The following ZNF821 variants were observed in gnomAD, a reference collection of about 807,000 sequenced individuals.
The protein encoded by ZNF821 is zinc finger protein 821.
Under a neutral mutation model 44.3 loss-of-function variants are expected in ZNF821, and 16 were observed. The observed-to-expected ratio is 0.36, with a 90% confidence interval of 0.24 to 0.55. ZNF821 has a LOEUF of 0.55. Ranked by LOEUF, ZNF821 falls within the 20% of genes least tolerant of loss-of-function variation. The probability of loss-of-function intolerance (pLI) is 0.86; values close to 1 mark genes in which losing one functional copy is unlikely to be tolerated. For missense variants in ZNF821, 436 were observed against 547.6 expected (o/e 0.80, Z 2.03); for synonymous variants, 204 against 197.6 (o/e 1.03, Z -0.27).
At chr16:71,882,355 ATACTC>A (rs1217118890) in intron 2 of ZNF821, 2 of 149,336 alleles carry the variant, frequency 1.3e-5, no homozygotes, top group Admixed American at 6.6e-5. Flanking sequence ...AAATATATAT[ATACTC>A]TATTATAGAA....
intron 4 of ZNF821, among the ~76,000 whole-genome samples, chr16:71,867,023 C>G (rs960476785): frequency 6.6e-6 from 1 of 152,218 alleles, no homozygotes; most frequent in Admixed American, 6.5e-5. Flanking sequence ...TCAGACAGGT[C>G]ACAGGACAGA....
At chr16:71,879,440 G>A (rs1279451068) in intron 3 of ZNF821, among the ~76,000 whole-genome samples, 1 of 151,962 alleles carries the variant, frequency 6.6e-6, no homozygotes, top group Non-Finnish European at 1.5e-5. Flanking sequence ...AGTCCACTGA[G>A]CTCTTTTAAC....
chr16:71,887,321 G>A (rs534109596), upstream of ZNF821, among the ~76,000 whole-genome samples: 1 of 147,076 alleles, frequency 6.8e-6, no homozygotes, highest in South Asian at 2.1e-4. Flanking sequence ...GTGCAGTGGC[G>A]CGATCTCGGC....
At chr16:71,885,003 G>A (rs1254980032), upstream of ZNF821, among the ~76,000 whole-genome samples, 8 of 151,992 alleles carry the variant, frequency 5.3e-5, no homozygotes, top group African/African-American at 1.9e-4. Flanking sequence ...GACTACAGGC[G>A]TGCACCACCA....
At chr16:71,894,952 C>G (rs1275848232) in exon 1 of ZNF821, 1 of 887,486 alleles carries the variant, frequency 1.1e-6, no homozygotes, top group Non-Finnish European at 1.8e-6. Flanking sequence ...AATTATACCA[C>G]ACAGACCGGA....
At position 71,862,024 on chromosome 16, in the gene ZNF821, T is replaced by C. The variant is rs1056007965; in HGVS notation, c.418-82A>G. The C allele has an allele frequency of 2.0e-6, 3 of 1,509,180 alleles. No homozygotes were observed. In the East Asian group the frequency reaches 6.8e-5, roughly 34 times the overall value. The allele number at this position is 1,509,180 out of a possible 1,614,324, so 93.5% of individuals were successfully genotyped here. ...CCACTTAGAAATGACTTTTGGGAAA[T>C]GTCCCCTTTCTTTAGTCTCAGAATA... On this transcript the variant is annotated intron_variant, in intron 6 of 7. Transcript: ENST00000425432.
Position 71,860,585 on chromosome 16 carries a change from G to A in ZNF821, c.672C>T (p.Ala224=). The part of the protein sequence containing the change: ...GPSSAEGKDI[A]FSPPVYPAGI... ...CAGCAGGGTACACTGGAGGACTAAA[G>A]GCAATATCCTTCCCCTCAGCACTGG... The change falls in exon 8 of 8, where the codon GCC becomes GCT. Residue 224 remains alanine (A), a synonymous_variant. Coordinates refer to ENST00000425432, the MANE Select transcript of ZNF821 (RefSeq NM_001201552.2). The surrounding 1 kb of genome is among the most constrained non-coding windows in gnomAD (Gnocchi z 7.3). 1 of 1,614,144 alleles carries A rather than the reference G, an allele frequency of 6.2e-7. No homozygotes were observed. The highest frequency in any genetic ancestry group is 8.5e-7 in the Non-Finnish European group (1 of 1,180,028).
At position 71,894,813 on chromosome 16, in the gene ZNF821, C is replaced by T. The variant is rs548634030; in HGVS notation, n.448+76G>A. The T allele has an allele frequency of 1.7e-4, 268 of 1,533,370 alleles. No homozygotes were observed. The East Asian group carries it at 2.9e-3, about 17-fold the overall frequency. 95.0% of individuals were successfully genotyped at this position (1,533,370 alleles called of 1,614,324 possible). A position where few individuals can be genotyped will look rare whatever the true frequency, so the allele number is the denominator to read the frequency against. ...GCCTCTCAAAGTGCTGGGAAGGTCC[C>T]TTCCAGGCTTAAGCAGCGATAATGG... On this transcript the variant is annotated intron_variant and non_coding_transcript_variant, in intron 1 of 2. Transcript: ENST00000561700.
intron 3 of ZNF821, among the ~76,000 whole-genome samples, chr16:71,871,673 A>G (rs1037469882): frequency 1.3e-5 from 2 of 152,174 alleles, no homozygotes; most frequent in Non-Finnish European, 2.9e-5. Flanking sequence ...GTCCCTAGAT[A>G]TTAATGTAGG....
Position 71,867,899 on chromosome 16 carries a change from G to A in ZNF821, c.166+13C>T. On this transcript the variant is annotated intron_variant, in intron 4 of 7. Transcript: ENST00000425432. ...CATTGCCCTGAGTCATTACCAGAAGGTGCAGAACTCACTGCTACTGGAGTC... is the reference window on the plus strand; with the variant it reads ...CATTGCCCTGAGTCATTACCAGAAGATGCAGAACTCACTGCTACTGGAGTC... The A allele has an allele frequency of 6.5e-7, 1 of 1,535,742 alleles. No individual in the cohort carries two copies. The highest frequency in any genetic ancestry group is 8.7e-7 in the Non-Finnish European group (1 of 1,146,718).
chr16:71,881,767 G>A (rs938732279), intron 2 of ZNF821: 2 of 152,196 alleles, frequency 1.3e-5, no homozygotes, highest in Non-Finnish European at 2.9e-5. Flanking sequence ...TTGAGGCCAG[G>A]AGTTTGAGAC....
At chr16:71,870,579 A>C (rs1220906603) in intron 3 of ZNF821, among the ~76,000 whole-genome samples, 2 of 150,434 alleles carry the variant, frequency 1.3e-5, no homozygotes, top group Non-Finnish European at 2.9e-5. Flanking sequence ...TCCTGTGTTC[A>C]AGAGATTCTC....
At chr16:71,891,863 G>GT (rs1253062639) in intron 1 of ZNF821, among the ~76,000 whole-genome samples, 2 of 151,920 alleles carry the variant, frequency 1.3e-5, no homozygotes, top group East Asian at 3.9e-4. Flanking sequence ...GCCAGGCGTG[G>GT]TGGTGCAGGC....
chr16:71,892,612 C>T (rs945174294), intron 1 of ZNF821, among the ~76,000 whole-genome samples: 2 of 149,832 alleles, frequency 1.3e-5, no homozygotes, highest in African/African-American at 4.9e-5. Context: ...TCCTCTGTCG[C>T]TCAAGCTGGA....
chr16:71,883,353 C>T, intron 1 of ZNF821, 80 bp from the exon 2 acceptor site: 2 of 374,900 alleles, frequency 5.3e-6, no homozygotes, highest in South Asian at 3.9e-5. Context: ...GGGTCTGGGG[C>T]GTGTCTAATC....
At chr16:71,883,189 T>G (rs775152478) in intron 2 of ZNF821, 22 bp downstream of exon 2, 1 of 456,438 alleles carries the variant, frequency 2.2e-6, no homozygotes, top group South Asian at 1.5e-5. Context: ...CTCAGCTTGA[T>G]GAAAAGAGAG....
intron 1 of ZNF821, chr16:71,890,764 C>CTTTTTTTTTTT (rs750537169): frequency 3.1e-5 from 2 of 65,450 alleles, no homozygotes; most frequent in African/African-American, 1.5e-4. Context: ...CCCCTTCCTG[C>CTTTTTTTTTTT]TTTTTTTTTT....
intron 3 of ZNF821, among the ~76,000 whole-genome samples, chr16:71,871,061 G>A (rs1374769515): frequency 1.3e-5 from 2 of 152,196 alleles, no homozygotes; most frequent in Non-Finnish European, 2.9e-5. Context: ...AGATGAGTCA[G>A]TAATTCAGTT....
chr16:71,861,543 T>C (rs1000373897), intron 7 of ZNF821, among the ~76,000 whole-genome samples: 3 of 152,230 alleles, frequency 2.0e-5, no homozygotes, highest in African/African-American at 7.2e-5. Context: ...TGGAATTGCC[T>C]ACATCTCTTT....
Sources: gnomAD v4.1 joint callset for allele counts (sites outside exome capture counted in the v4.1 genomes callset) on GRCh38, gnomAD v4.1.1 for gene constraint, Gnocchi (gnomAD v3.1) non-coding constraint, MANE v1.5 for transcripts, NCBI Gene and HGNC (gene_info 2026-07-23, HGNC 2026-07-21) for gene names.